The following PPARGC1B variants were observed in gnomAD, a reference collection of about 807,000 sequenced individuals.
PPARGC1B encodes the protein PPARG coactivator 1 beta, also known as peroxisome proliferator-activated receptor gamma coactivator 1-beta.
Under a neutral mutation model 101.6 loss-of-function variants are expected in PPARGC1B, and 34 were observed. The observed-to-expected ratio is 0.33, with a 90% confidence interval of 0.25 to 0.45. The LOEUF (loss-of-function observed/expected upper bound fraction) is 0.45. Among genes scored for constraint, PPARGC1B ranks in the 20% least tolerant of loss-of-function variants. The probability of loss-of-function intolerance (pLI) is 1.00; values close to 1 mark genes in which losing one functional copy is unlikely to be tolerated. For missense variants in PPARGC1B, 1,234 were observed against 1,317.6 expected, an observed-to-expected ratio of 0.94 and a Z score of 0.98; for synonymous variants, 548 against 539.3, an observed-to-expected ratio of 1.02 and a Z score of -0.22.
In PPARGC1B at chr5:149,833,683, T is replaced by C. The variant is rs199553884; in HGVS notation, c.1610T>C (p.Leu537Pro). 6.2e-6 allele frequency: 10 copies of C among 1,609,268 alleles called. No individual in the cohort carries two copies. Among genetic ancestry groups the C allele is most frequent in the East Asian group, 2.2e-5 (1 of 44,730 alleles). ...GACAGTGGCCAAGACCAGCAGCTCC[T>C]ACGGGGACCCCAGATCCCTGCCCTG... ...DEDSGQDQQL[L>P]RGPQIPALES... The change falls in exon 5 of 12, where the codon CTA becomes CCA. Residue 537 changes from leucine (L) to proline (P), a missense_variant. Transcript: ENST00000309241. This position sits in a 1 kb window ranked among gnomAD's most constrained non-coding sequence, Gnocchi z 4.1.
chr5:149,830,323 C>T (rs1209468880), intron 3 of PPARGC1B, among the ~76,000 whole-genome samples: 2 of 151,016 alleles, frequency 1.3e-5, no homozygotes, highest in Non-Finnish European at 2.9e-5. Flanking sequence ...TATGAATAAA[C>T]AGAAAGAACA....
intron 1 of PPARGC1B, among the ~76,000 whole-genome samples, chr5:149,820,182 G>A (rs1758229576): frequency 6.6e-6 from 1 of 152,210 alleles, no homozygotes; most frequent in Non-Finnish European, 1.5e-5. Context: ...AGAGATGTAT[G>A]TGGGCAGGGC....
intron 1 of PPARGC1B, among the ~76,000 whole-genome samples, chr5:149,819,522 T>G (rs1412838149): frequency 6.6e-6 from 1 of 152,134 alleles, no homozygotes; most frequent in Non-Finnish European, 1.5e-5. Flanking sequence ...TTCGTTTTTT[T>G]GAGACAGTTT....
At chr5:149,806,961 T>C (rs572987898) in intron 1 of PPARGC1B, among the ~76,000 whole-genome samples, 57 of 152,032 alleles carry the variant, frequency 3.7e-4, no homozygotes, top group African/African-American at 1.3e-3. Flanking sequence ...TTACCCTTTT[T>C]TTTTTTCCTT....
chr5:149,818,975 T>A, intron 1 of PPARGC1B: 1 of 426,544 alleles, frequency 2.3e-6, no homozygotes, highest in Non-Finnish European at 4.7e-6. Flanking sequence ...CACCAAGCCA[T>A]TCTGTTTCTG....
intron 1 of PPARGC1B, among the ~76,000 whole-genome samples, chr5:149,737,527 A>G (rs1052541520): frequency 2.0e-5 from 3 of 152,110 alleles, no homozygotes; most frequent in Non-Finnish European, 4.4e-5. Flanking sequence ...CCTCCAAGCC[A>G]GCTGTTCCAT....
intron 1 of PPARGC1B, among the ~76,000 whole-genome samples, chr5:149,774,909 C>T (rs1320972721): frequency 6.6e-6 from 1 of 152,120 alleles, no homozygotes; most frequent in East Asian, 1.9e-4. Context: ...TATCCCTACT[C>T]GCGCTTCCCA....
At chr5:149,789,094 C>A (rs373391121) in intron 1 of PPARGC1B, among the ~76,000 whole-genome samples, 1 of 152,090 alleles carries the variant, frequency 6.6e-6, no homozygotes, top group East Asian at 1.9e-4. Context: ...TTAAAAAATT[C>A]TGGGTTGGAT....
Position 149,836,567 on chromosome 5 carries a change from G to A in PPARGC1B, c.2112G>A (p.Leu704=), listed in dbSNP as rs759451326. The change falls in exon 8 of 12, where the codon CTG becomes CTA. Residue 704 remains leucine (L), a synonymous_variant. Transcript: ENST00000309241. ...YCQVLRPEGV[L]QRKVLRSWEP... ...AGGTGCTCCGACCAGAAGGCGTCCT[G>A]CAAAGGAAGGTGCTGAGGTCCTGGG... The A allele has an allele frequency of 7.4e-6, 12 of 1,613,796 alleles. No homozygotes were observed. The Admixed American group carries it at 2.0e-4, about 27-fold the overall frequency.
intron 1 of PPARGC1B, among the ~76,000 whole-genome samples, chr5:149,755,040 C>CATATATAT (rs761461783): frequency 8.0e-4 from 68 of 85,224 alleles, no homozygotes; most frequent in South Asian, 1.8e-3. Context: ...ACTACATATA[C>CATATATAT]ATATACATAT....
At chr5:149,834,010 G>A (rs1758939883) in intron 5 of PPARGC1B, among the ~76,000 whole-genome samples, 1 of 152,256 alleles carries the variant, frequency 6.6e-6, no homozygotes, top group African/African-American at 2.4e-5. Context: ...CATGGGCAAG[G>A]TGCCACTTAA....
intron 1 of PPARGC1B, among the ~76,000 whole-genome samples, chr5:149,800,154 C>G (rs1757383703): frequency 6.6e-6 from 1 of 152,152 alleles, no homozygotes. Flanking sequence ...TCCTACTATT[C>G]TTGTGTGTCC....
chr5:149,834,566 G>T, intron 5 of PPARGC1B, 108 bp from the exon 6 acceptor site: 1 of 955,596 alleles, frequency 1.0e-6, no homozygotes, highest in Non-Finnish European at 1.6e-6. Flanking sequence ...CCTGCCCAAA[G>T]GGCAGCTGTG....
At chr5:149,843,745 G>A (rs1202974055) in intron 10 of PPARGC1B, among the ~76,000 whole-genome samples, 1 of 152,120 alleles carries the variant, frequency 6.6e-6, no homozygotes, top group East Asian at 1.9e-4. Context: ...CAATCCAAAT[G>A]TCCCCCAACA....
At chr5:149,830,066 A>C (rs1398512237) in intron 3 of PPARGC1B, among the ~76,000 whole-genome samples, 1 of 148,286 alleles carries the variant, frequency 6.7e-6, no homozygotes, top group African/African-American at 2.5e-5. Context: ...AAAAAAAAAA[A>C]AAAACAGGGT....
chr5:149,764,002 A>G (rs938132372), intron 1 of PPARGC1B, among the ~76,000 whole-genome samples: 10 of 152,054 alleles, frequency 6.6e-5, no homozygotes, highest in African/African-American at 2.4e-4. Flanking sequence ...TTTCCCCTTT[A>G]TTGGTCATAG....
chr5:149,845,465 C>A (rs1203168346), intron 10 of PPARGC1B, among the ~76,000 whole-genome samples: 1 of 152,234 alleles, frequency 6.6e-6, no homozygotes, highest in African/African-American at 2.4e-5. Context: ...CGCAGAACCT[C>A]TTTCCTCATC....
At chr5:149,749,384 C>A (rs1024599715) in intron 1 of PPARGC1B, among the ~76,000 whole-genome samples, 2 of 152,210 alleles carry the variant, frequency 1.3e-5, no homozygotes, top group South Asian at 2.1e-4. Context: ...GTTGTAGGAA[C>A]TGGACGGGAA....
chr5:149,781,708 G>T (rs1756607439), intron 1 of PPARGC1B, among the ~76,000 whole-genome samples: 1 of 152,186 alleles, frequency 6.6e-6, no homozygotes, highest in South Asian at 2.1e-4. Flanking sequence ...GCAACAGAAT[G>T]ATGGGGGTAA....
Sources: allele counts gnomAD v4.1 joint callset (sites outside exome capture counted in the v4.1 genomes callset), GRCh38; gene constraint gnomAD v4.1.1; non-coding constraint Gnocchi (gnomAD v3.1); transcripts MANE v1.5; gene names NCBI Gene and HGNC (gene_info 2026-07-23, HGNC 2026-07-21).